DYRK3: variants seen among roughly 807,000 people sequenced by gnomAD.
DYRK3 encodes the protein dual specificity tyrosine phosphorylation regulated kinase 3.
Under a neutral mutation model 40.8 loss-of-function variants are expected in DYRK3, and 30 were observed. The observed-to-expected ratio is 0.74, with a 90% CI of 0.55 to 1.00. DYRK3 has a LOEUF of 1.00. Among genes scored for constraint, DYRK3 ranks in the 50% least tolerant of loss-of-function variants. DYRK3 has a pLI of 0.00. For missense variants in DYRK3, 699 were observed against 731.5 expected (o/e 0.96, Z 0.51); for synonymous variants, 272 against 260.7 (o/e 1.04, Z -0.42).
chr1:206,639,825 GTA>G (rs782661697), intron 2 of DYRK3, among the ~76,000 whole-genome samples: 3 of 150,308 alleles, frequency 2.0e-5, no homozygotes, highest in Non-Finnish European at 4.4e-5. Context: ...TACTTACATT[GTA>G]TGTTTCAGGA....
rs1451088941 is a variant in DYRK3, at chr1:206,651,774, GA to G, written c.*2811del. 6.6e-6 allele frequency among the ~76,000 whole-genome samples: 1 copy of G among 152,214 alleles called. No individual in the cohort carries two copies. The highest frequency in any genetic ancestry group is 6.5e-5 in the Admixed American group (1 of 15,286). On this transcript the variant is annotated 3_prime_UTR_variant, in exon 3 of 3. Coordinates refer to ENST00000367109, the MANE Select transcript of DYRK3 (RefSeq NM_003582.4). Reference sequence around the variant, plus strand: ...GCTTAACTGCAGATCAGGGAGCATTGAACCTCTACAATTTGCTGCATTGGAT... The same window carrying G: ...GCTTAACTGCAGATCAGGGAGCATTGACCTCTACAATTTGCTGCATTGGAT...
At chr1:206,637,908 T>C (rs1671164551) in intron 2 of DYRK3, 147 bp downstream of exon 2, 1 of 581,144 alleles carries the variant, frequency 1.7e-6, no homozygotes, top group Non-Finnish European at 3.0e-6. Context: ...AATAACAATG[T>C]CTGTGGTCCA....
Position 206,651,107 on chromosome 1 carries a change from G to C in DYRK3, c.*2142G>C, listed in dbSNP as rs574183262. 6.6e-6 allele frequency among the ~76,000 whole-genome samples: 1 copy of C among 152,206 alleles called. No individual in the cohort carries two copies. The highest frequency in any genetic ancestry group is 2.1e-4 in the South Asian group (1 of 4,812). ...GAAGAAGCTGTGTGAAATTAGTCTG[G>C]TTATTGGTTTTCTTGTCTGATAGTG... On this transcript the variant is annotated 3_prime_UTR_variant, in exon 3 of 3. Transcript: ENST00000367109.
At chr1:206,646,810 G>A (rs1337809266) in intron 2 of DYRK3, among the ~76,000 whole-genome samples, 2 of 152,188 alleles carry the variant, frequency 1.3e-5, no homozygotes, top group African/African-American at 4.8e-5. Flanking sequence ...TCACTTGATA[G>A]TACCTTCTTG....
Position 206,635,617 on chromosome 1 carries a change from C to T in DYRK3, c.-87C>T. 5 of 1,233,756 alleles carry T rather than the reference C, an allele frequency of 4.1e-6. No individual in the cohort carries two copies. Among genetic ancestry groups the T allele is most frequent in the Non-Finnish European group, 4.1e-6 (4 of 985,234 alleles). The allele number at this position is 1,233,756 out of a possible 1,614,324, so 76.4% of individuals were successfully genotyped here. Reference sequence around the variant, plus strand: ...GAGAGTACCCGTGGGAGCGTCGCGCCGCGGAGGCAGCCGTCCCGGCGTAGG... The same window carrying T: ...GAGAGTACCCGTGGGAGCGTCGCGCTGCGGAGGCAGCCGTCCCGGCGTAGG... On this transcript the variant is annotated 5_prime_UTR_variant, in exon 1 of 3. Transcript: ENST00000367109.
At position 206,651,385 on chromosome 1, in the gene DYRK3, T is replaced by C. The variant is rs1671628551; in HGVS notation, c.*2420T>C. Among the ~76,000 whole-genome samples the C allele has an allele frequency of 6.6e-6, 1 of 152,208 alleles. No homozygotes were observed. The highest frequency in any genetic ancestry group is 1.5e-5 in the Non-Finnish European group (1 of 68,034). On this transcript the variant is annotated 3_prime_UTR_variant, in exon 3 of 3. Coordinates refer to ENST00000367109, the MANE Select transcript of DYRK3 (RefSeq NM_003582.4). Reference sequence around the variant, plus strand: ...CAGGAAGATGAAACACCTTGAGAAATGGGAACATCTCTTCACTGTGTTCTT... The same window carrying C: ...CAGGAAGATGAAACACCTTGAGAAACGGGAACATCTCTTCACTGTGTTCTT...
In DYRK3 at chr1:206,647,829, G is replaced by C. The variant is rs782676003; in HGVS notation, c.631G>C (p.Val211Leu). ...PRDHLAYRYE[V>L]LKIIGKGSFG... Reference sequence around the variant, plus strand: ...AGACCATCTAGCTTATCGATATGAGGTGCTGAAAATTATTGGCAAGGGGAG... The same window carrying C: ...AGACCATCTAGCTTATCGATATGAGCTGCTGAAAATTATTGGCAAGGGGAG... Residue 211 changes from valine (V) to leucine (L), a missense_variant, in exon 3 of 3, where the codon GTG (valine) becomes CTG (leucine). Transcript: ENST00000367109. 3 of 1,614,110 alleles carry C rather than the reference G, an allele frequency of 1.9e-6. No homozygotes were observed. The highest frequency in any genetic ancestry group is 2.5e-6 in the Non-Finnish European group (3 of 1,180,014).
chr1:206,635,570 C>A lies in DYRK3; in HGVS notation c.-134C>A. 8.8e-7 allele frequency: 1 copy of A among 1,131,412 alleles called. No homozygotes were observed. The highest frequency in any genetic ancestry group is 1.1e-6 in the Non-Finnish European group (1 of 896,692). The allele number at this position is 1,131,412 out of a possible 1,614,324, so 70.1% of individuals were successfully genotyped here. On this transcript the variant is annotated 5_prime_UTR_variant, in exon 1 of 3. Transcript: ENST00000367109. ...CCGGGGCCAGTCGGGAGCGAAAGTG[C>A]GCTGAGCTGCAGTGTCTGGTCGAGA...
At chr1:206,636,108 A>AGG in intron 1 of DYRK3, 1 of 1,402,032 alleles carries the variant, frequency 7.1e-7, no homozygotes, top group Non-Finnish European at 9.6e-7. Context: ...TTTTTATTAA[A>AGG]GGGGGGGAGC....
intron 1 of DYRK3, chr1:206,636,121 G>A: frequency 7.7e-7 from 1 of 1,305,152 alleles, no homozygotes; most frequent in Non-Finnish European, 1.0e-6. Context: ...GGGGGAGCCC[G>A]GGAGCAATAC....
In DYRK3 at chr1:206,640,772, G is replaced by A. The variant is rs569269939; in HGVS notation, c.189+3011G>A. 3.9e-5 allele frequency among the ~76,000 whole-genome samples: 6 copies of A among 151,936 alleles called. No homozygotes were observed. The East Asian group carries it at 7.8e-4, about 20-fold the overall frequency. The stretch of plus-strand genomic sequence containing the variant: ...TCATCGTGTTAGCCAGGATGGTCTC[G>A]ATCTCTTGACCTCGTGATCCGCCCG... On this transcript the variant is annotated intron_variant, in intron 2 of 2. Transcript: ENST00000367109.
intron 1 of DYRK3, chr1:206,636,749 A>G (rs1553418388): frequency 1.9e-6 from 1 of 514,852 alleles, no homozygotes. Flanking sequence ...ATCATGTAAA[A>G]TGATACAATG....
rs1553421330 is a variant in DYRK3 at position 206,651,493 on chromosome 1, T to G, written c.*2528T>G. On this transcript the variant is annotated 3_prime_UTR_variant, in exon 3 of 3. Transcript: ENST00000367109. ...GTAGTACAGCATGATTGAATCCTTC[T>G]TCAGTGAATCTTTTCATTGTAACTT... Among the ~76,000 whole-genome samples the G allele has an allele frequency of 1.3e-5, 2 of 152,224 alleles. No individual in the cohort carries two copies. The highest frequency in any genetic ancestry group is 4.8e-5 in the African/African-American group (2 of 41,458).
intron 2 of DYRK3, among the ~76,000 whole-genome samples, chr1:206,639,334 T>C (rs1671209532): frequency 6.6e-6 from 1 of 152,224 alleles, no homozygotes; most frequent in Non-Finnish European, 1.5e-5. Flanking sequence ...GTCTAAGAAC[T>C]TCAGAACCAT....
At position 206,648,124 on chromosome 1, in the gene DYRK3, T is replaced by C. The variant is rs1553420555; in HGVS notation, c.926T>C (p.Val309Ala). 4.3e-6 allele frequency: 7 copies of C among 1,614,048 alleles called. No homozygotes were observed. In the South Asian group the frequency reaches 7.7e-5, roughly 18 times the overall value. ...AAAAATAAGTTTCAGGGTTTTAGCG[T>C]CCAGTTGGTACGCAAGTTTGCCCAG... ...IKKNKFQGFSVQLVRKFAQSI... is the reference protein window; with the variant it reads ...IKKNKFQGFSAQLVRKFAQSI... The change falls in exon 3 of 3, where the codon GTC becomes GCC. Residue 309 changes from valine (V) to alanine (A), a missense_variant. Transcript: ENST00000367109.
chr1:206,637,592 C>T lies in DYRK3; in HGVS notation c.78-58C>T, dbSNP rs113928637. On this transcript the variant is annotated intron_variant, in intron 1 of 2. Coordinates refer to ENST00000367109, the MANE Select transcript of DYRK3 (RefSeq NM_003582.4). ...TGTAGCAGATATGAAGCAGTTAAGA[C>T]ATAGGATTCTATATTCTTCAGTTCC... 5 of 1,183,594 alleles carry T rather than the reference C, an allele frequency of 4.2e-6. No individual in the cohort carries two copies. In the African/African-American group the frequency reaches 7.6e-5, roughly 18 times the overall value. The allele number at this position is 1,183,594 out of a possible 1,614,324, so 73.3% of individuals were successfully genotyped here. A position where few individuals can be genotyped will look rare whatever the true frequency, so the allele number is the denominator to read the frequency against.
In DYRK3 at chr1:206,648,680, G is replaced by GT; in HGVS notation, c.1485dup (p.Ile496TyrfsTer28). Reference sequence around the variant, plus strand: ...CACTGAAAGGGTGTGATGACTACTTGTTTATAGAGTTCTTGAAAAGGTGTC... The same window carrying GT: ...CACTGAAAGGGTGTGATGACTACTTGTTTTATAGAGTTCTTGAAAAGGTGTC... On this transcript the variant is annotated frameshift_variant, in exon 3 of 3. Transcript: ENST00000367109. LOFTEE classifies it high-confidence loss of function. The GT allele has an allele frequency of 6.2e-7, 1 of 1,614,058 alleles. No individual in the cohort carries two copies. The highest frequency in any genetic ancestry group is 8.5e-7 in the Non-Finnish European group (1 of 1,179,974).
chr1:206,643,301 T>C (rs1553419601), intron 2 of DYRK3, among the ~76,000 whole-genome samples: 2 of 152,196 alleles, frequency 1.3e-5, no homozygotes, highest in Non-Finnish European at 2.9e-5. Flanking sequence ...AGGCTTACTT[T>C]AAGGAAAAAC....
At position 206,649,316 on chromosome 1, in the gene DYRK3, C is replaced by T; in HGVS notation, c.*351C>T. On this transcript the variant is annotated 3_prime_UTR_variant, in exon 3 of 3. Transcript: ENST00000367109. ...CCCAACTACTCCTCGCTTCTAGTGT[C>T]CCTCGGCATCTGTTCTGGAGGGGTA... 9.3e-6 allele frequency: 2 copies of T among 214,374 alleles called. No homozygotes were observed. Among genetic ancestry groups the T allele is most frequent in the South Asian group, 1.3e-4 (2 of 15,412 alleles). 13.3% of individuals were successfully genotyped at this position (214,374 alleles called of 1,614,324 possible). A position where few individuals can be genotyped will look rare whatever the true frequency, so the allele number is the denominator to read the frequency against.
Sources: allele counts gnomAD v4.1 joint callset (sites outside exome capture counted in the v4.1 genomes callset), GRCh38; gene constraint gnomAD v4.1.1; transcripts MANE v1.5; gene names NCBI Gene and HGNC (gene_info 2026-07-23, HGNC 2026-07-21).